The following CERS6 variants were observed in gnomAD, a reference collection of about 807,000 sequenced individuals.
CERS6 encodes the protein ceramide synthase 6.
A neutral mutation model predicts 56.8 loss-of-function variants in CERS6; 26 were observed. The observed-to-expected ratio is 0.46, with a 90% CI of 0.34 to 0.63. CERS6 has a LOEUF of 0.63. Among genes scored for constraint, CERS6 ranks in the 30% least tolerant of loss-of-function variants. CERS6 has a pLI of 0.01. For synonymous variants in CERS6, 164 were observed against 173.3 expected, an observed-to-expected ratio of 0.95 and a Z score of 0.42; for missense variants, 415 against 467.5, an observed-to-expected ratio of 0.89 and a Z score of 1.04.
At chr2:168,693,211 C>G (rs1574165080) in intron 5 of CERS6, among the ~76,000 whole-genome samples, 1 of 152,206 alleles carries the variant, frequency 6.6e-6, no homozygotes, top group Middle Eastern at 3.4e-3. Context: ...AGCCTCTTAA[C>G]CTGAATTAAC....
intron 1 of CERS6, among the ~76,000 whole-genome samples, chr2:168,527,227 G>A (rs1440418778): frequency 1.3e-5 from 2 of 152,124 alleles, no homozygotes; most frequent in Non-Finnish European, 2.9e-5. Flanking sequence ...TTATTTTTAA[G>A]AGCAGTTTTA....
At chr2:168,618,995 G>A (rs532900142) in intron 3 of CERS6, among the ~76,000 whole-genome samples, 2 of 152,226 alleles carry the variant, frequency 1.3e-5, no homozygotes, top group African/African-American at 4.8e-5. Context: ...AAAACAGCAT[G>A]GTACTGGTAT....
intron 8 of CERS6, among the ~76,000 whole-genome samples, chr2:168,746,775 GTATATA>G (rs71003053): frequency 0.026 from 994 of 38,866 alleles, 14 homozygotes; most frequent in African/African-American, 0.046. Context: ...AGGGTAAAGG[GTATATA>G]TATATATATA....
At chr2:168,500,638 G>GA (rs1694563013) in intron 1 of CERS6, among the ~76,000 whole-genome samples, 2 of 152,142 alleles carry the variant, frequency 1.3e-5, no homozygotes, top group South Asian at 4.1e-4. Flanking sequence ...AGCAAAGGAA[G>GA]AAAGGGAAAC....
intron 2 of CERS6, among the ~76,000 whole-genome samples, chr2:168,551,524 G>T (rs185739833): frequency 6.6e-6 from 1 of 151,992 alleles, no homozygotes; most frequent in Non-Finnish European, 1.5e-5. Flanking sequence ...TCTCACAGGC[G>T]TTCATGAGGG....
At position 168,678,388 on chromosome 2, in the gene CERS6, T is replaced by C. The variant is rs147071206; in HGVS notation, c.466-12646T>C. Among the ~76,000 whole-genome samples the C allele has an allele frequency of 5.7e-4, 87 of 152,322 alleles. No homozygotes were observed. In the East Asian group the frequency reaches 0.015, roughly 26 times the overall value. On this transcript the variant is annotated intron_variant, in intron 4 of 9. Transcript: ENST00000305747. ...TGGAGGAAGCACACCTGCTTCTTAC[T>C]GCAAGGGGGCTGAGAAGCACTGGCT...
intron 4 of CERS6, among the ~76,000 whole-genome samples, chr2:168,685,892 A>C (rs562921108): frequency 2.0e-5 from 3 of 151,988 alleles, no homozygotes; most frequent in African/African-American, 7.2e-5. Context: ...ATTGTGGCTT[A>C]GATTGAGAGA....
chr2:168,746,472 G>C (rs374362533), intron 8 of CERS6, among the ~76,000 whole-genome samples: 1 of 151,856 alleles, frequency 6.6e-6, no homozygotes, highest in African/African-American at 2.4e-5. Flanking sequence ...ATCACGTTCC[G>C]AGTGTGGTCT....
At chr2:168,561,590 A>G (rs1260265064) in intron 3 of CERS6, among the ~76,000 whole-genome samples, 5 of 152,220 alleles carry the variant, frequency 3.3e-5, no homozygotes, top group African/African-American at 2.4e-5. Context: ...TTAATCAGTC[A>G]TCTTTGAAAT....
chr2:168,647,717 A>G (rs1018840024), intron 4 of CERS6, among the ~76,000 whole-genome samples: 3 of 152,268 alleles, frequency 2.0e-5, no homozygotes, highest in Admixed American at 6.5e-5. Context: ...AATTTTTAAC[A>G]TGAAGGGTGT....
chr2:168,656,925 T>A (rs1685489958), intron 4 of CERS6, among the ~76,000 whole-genome samples: 1 of 151,934 alleles, frequency 6.6e-6, no homozygotes, highest in Non-Finnish European at 1.5e-5. Flanking sequence ...AGATACAGAG[T>A]TTCCACACAC....
In CERS6 at chr2:168,546,344, C is replaced by T. The variant is rs183958687; in HGVS notation, c.171-1252C>T. Reference sequence around the variant, plus strand: ...ATTTATATATCGGGAAGGGGTGATTCTTCTTTCTTCCCAACTTTGTCCCAG... The same window carrying T: ...ATTTATATATCGGGAAGGGGTGATTTTTCTTTCTTCCCAACTTTGTCCCAG... On this transcript the variant is annotated intron_variant, in intron 1 of 9. Transcript: ENST00000305747. Among the ~76,000 whole-genome samples, 732 of 152,280 alleles carry T rather than the reference C, an allele frequency of 4.8e-3. 3 individuals carry two copies. The highest frequency in any genetic ancestry group is 7.7e-3 in the Non-Finnish European group (523 of 68,016).
chr2:168,536,732 A>G (rs1421565549), intron 1 of CERS6, among the ~76,000 whole-genome samples: 1 of 152,224 alleles, frequency 6.6e-6, no homozygotes, highest in African/African-American at 2.4e-5. Context: ...AAAACATGGT[A>G]AGCAAAGTAT....
chr2:168,551,766 C>G (rs957380574), intron 2 of CERS6, among the ~76,000 whole-genome samples: 1 of 152,176 alleles, frequency 6.6e-6, no homozygotes, highest in African/African-American at 2.4e-5. Context: ...AAAAATTCTA[C>G]AATTACGGAT....
chr2:168,705,811 G>GTATT (rs1276989031), intron 6 of CERS6, among the ~76,000 whole-genome samples: 1 of 151,988 alleles, frequency 6.6e-6, no homozygotes, highest in Non-Finnish European at 1.5e-5. Context: ...ATCATAAAGG[G>GTATT]TATTTATGTC....
intron 4 of CERS6, among the ~76,000 whole-genome samples, chr2:168,633,929 G>T (rs985378764): frequency 1.3e-5 from 2 of 152,214 alleles, no homozygotes; most frequent in African/African-American, 4.8e-5. Context: ...AGAGGCTACA[G>T]CTGCCTCTTA....
At chr2:168,593,027 C>CT (rs1683711248) in intron 3 of CERS6, among the ~76,000 whole-genome samples, 1 of 152,140 alleles carries the variant, frequency 6.6e-6, no homozygotes, top group South Asian at 2.1e-4. Context: ...CTAGTTTAAT[C>CT]TAGAGTCCAC....
At chr2:168,537,094 C>T (rs901315283) in intron 1 of CERS6, among the ~76,000 whole-genome samples, 15 of 151,910 alleles carry the variant, frequency 9.9e-5, no homozygotes, top group Non-Finnish European at 5.9e-5. Flanking sequence ...TATTACTCAA[C>T]AACAAAGGAA....
intron 3 of CERS6, among the ~76,000 whole-genome samples, chr2:168,576,665 A>G (rs917185351): frequency 6.6e-6 from 1 of 152,202 alleles, no homozygotes; most frequent in Admixed American, 6.5e-5. Flanking sequence ...CAGATTCACC[A>G]CTGTTAACAT....
Sources: gnomAD v4.1 joint callset for allele counts (sites outside exome capture counted in the v4.1 genomes callset) on GRCh38, gnomAD v4.1.1 for gene constraint, MANE v1.5 for transcripts, NCBI Gene and HGNC (gene_info 2026-07-23, HGNC 2026-07-21) for gene names.